The following RERE variants were observed in gnomAD, a reference collection of about 807,000 sequenced individuals.
RERE encodes the protein arginine-glutamic acid dipeptide repeats protein.
Under a neutral mutation model 146.1 loss-of-function variants are expected in RERE, and 40 were observed. The observed-to-expected ratio is 0.27, with a 90% CI of 0.21 to 0.36. RERE has a LOEUF of 0.36. Among genes scored for constraint, RERE ranks in the 10% least tolerant of loss-of-function variants. The probability of loss-of-function intolerance (pLI) is 1.00; values close to 1 mark genes in which losing one functional copy is unlikely to be tolerated. For synonymous variants in RERE, 1,003 were observed against 866.0 expected (o/e 1.16, Z -2.78); for missense variants, 1,933 against 2,138.7 (o/e 0.90, Z 1.90).
At position 8,613,191 on chromosome 1, in the gene RERE, T is replaced by C. The variant is rs529576604; in HGVS notation, c.522+1370A>G. On this transcript the variant is annotated intron_variant, in intron 4 of 22. Transcript: ENST00000400908. ...CAGTCAATCTTCTTAAGCAGTGGCC[T>C]GCAAGATGGCTTGCCTAGAGTAAAA... is the stretch of plus-strand genomic sequence containing the variant. 1.4e-4 allele frequency among the ~76,000 whole-genome samples: 22 copies of C among 152,354 alleles called. No individual in the cohort carries two copies. In the East Asian group the frequency reaches 4.2e-3, roughly 29 times the overall value.
Position 8,521,414 on chromosome 1 carries a change from G to C in RERE, c.831-12739C>G, listed in dbSNP as rs1391871086. On this transcript the variant is annotated intron_variant, in intron 7 of 22. Coordinates refer to ENST00000400908, the MANE Select transcript of RERE (RefSeq NM_001042681.2). Reference sequence around the variant, plus strand: ...CCTACTATTTTGGGAGGCCAAGACAGGAAGATAGTTTGAGGCCAGGAGTTC... The same window carrying C: ...CCTACTATTTTGGGAGGCCAAGACACGAAGATAGTTTGAGGCCAGGAGTTC... Among the ~76,000 whole-genome samples the C allele has an allele frequency of 4.6e-5, 7 of 152,100 alleles. No homozygotes were observed. The East Asian group carries it at 1.3e-3, about 29-fold the overall frequency.
intron 3 of RERE, among the ~76,000 whole-genome samples, chr1:8,623,145 A>G (rs1192298515): frequency 6.6e-6 from 1 of 152,206 alleles, no homozygotes; most frequent in Admixed American, 6.5e-5. Flanking sequence ...TGAGGAAAAT[A>G]ACAAACAAAC....
At chr1:8,503,268 A>C (rs1645205994) in intron 8 of RERE, among the ~76,000 whole-genome samples, 1 of 152,004 alleles carries the variant, frequency 6.6e-6, no homozygotes, top group Admixed American at 6.5e-5. Flanking sequence ...CACTCATATT[A>C]GTTGCTAGTG....
intron 7 of RERE, among the ~76,000 whole-genome samples, chr1:8,530,039 C>T (rs1420982081): frequency 6.6e-6 from 1 of 152,150 alleles, no homozygotes; most frequent in African/African-American, 2.4e-5. Flanking sequence ...CCTGCCACCA[C>T]ATTTTCTAGC....
At chr1:8,573,822 T>C (rs1646254774) in intron 4 of RERE, among the ~76,000 whole-genome samples, 1 of 152,186 alleles carries the variant, frequency 6.6e-6, no homozygotes, top group Non-Finnish European at 1.5e-5. Flanking sequence ...TTGCCTTTTA[T>C]TTCTGGAGAC....
chr1:8,627,227 TG>T (rs1646983654), intron 2 of RERE, among the ~76,000 whole-genome samples: 1 of 152,124 alleles, frequency 6.6e-6, no homozygotes, highest in Non-Finnish European at 1.5e-5. Flanking sequence ...GGCAGTAAGG[TG>T]GTCTGCACTG....
At chr1:8,499,446 G>A (rs998483911) in intron 8 of RERE, among the ~76,000 whole-genome samples, 1 of 152,168 alleles carries the variant, frequency 6.6e-6, no homozygotes, top group Non-Finnish European at 1.5e-5. Context: ...AGTGGACCAC[G>A]GGGAAATGGA....
At chr1:8,706,693 C>T (rs1464713479) in intron 1 of RERE, among the ~76,000 whole-genome samples, 4 of 152,170 alleles carry the variant, frequency 2.6e-5, no homozygotes, top group African/African-American at 4.8e-5. Context: ...TTACACTGAA[C>T]TTACTTTATT....
intron 1 of RERE, among the ~76,000 whole-genome samples, chr1:8,683,163 A>G (rs1048466216): frequency 1.3e-5 from 2 of 152,184 alleles, no homozygotes; most frequent in African/African-American, 4.8e-5. Context: ...TGAAGAATTA[A>G]TAACATCAAA....
At chr1:8,489,875 C>T (rs961977615) in intron 10 of RERE, among the ~76,000 whole-genome samples, 2 of 151,188 alleles carry the variant, frequency 1.3e-5, no homozygotes, top group South Asian at 2.1e-4. Context: ...ACAGTGAAAC[C>T]CCATCTCTAC....
At chr1:8,742,588 A>G (rs1437245025) in intron 1 of RERE, among the ~76,000 whole-genome samples, 1 of 152,212 alleles carries the variant, frequency 6.6e-6, no homozygotes, top group Non-Finnish European at 1.5e-5. Context: ...TGGGAGGCCG[A>G]GGCAGGCAGA....
intron 8 of RERE, among the ~76,000 whole-genome samples, chr1:8,507,420 T>C (rs1645266265): frequency 6.6e-6 from 1 of 152,244 alleles, no homozygotes; most frequent in African/African-American, 2.4e-5. Flanking sequence ...AAGTTGTTTA[T>C]TTTTTTGCAG....
chr1:8,407,101 T>TA (rs1313734764), intron 12 of RERE, among the ~76,000 whole-genome samples: 7 of 152,348 alleles, frequency 4.6e-5, no homozygotes, highest in South Asian at 2.1e-4. Flanking sequence ...GCATTCGCAT[T>TA]AGGAAACCCT....
intron 6 of RERE, among the ~76,000 whole-genome samples, chr1:8,542,790 A>T (rs1033904568): frequency 7.2e-5 from 11 of 152,126 alleles, no homozygotes; most frequent in Non-Finnish European, 1.0e-4. Flanking sequence ...ATAGGTGTGA[A>T]CCACTGCACC....
At chr1:8,680,010 T>C (rs1021945003) in intron 1 of RERE, among the ~76,000 whole-genome samples, 2 of 152,188 alleles carry the variant, frequency 1.3e-5, no homozygotes, top group Non-Finnish European at 2.9e-5. Context: ...TGCAACACTA[T>C]GGTACTGCCT....
chr1:8,523,150 C>T (rs1198250926), intron 7 of RERE, among the ~76,000 whole-genome samples: 3 of 152,066 alleles, frequency 2.0e-5, no homozygotes, highest in Admixed American at 2.0e-4. Flanking sequence ...GAGATCACAC[C>T]ACTGCACTCC....
chr1:8,650,846 G>A (rs528912136), intron 2 of RERE, among the ~76,000 whole-genome samples: 139 of 151,474 alleles, frequency 9.2e-4, no homozygotes, highest in African/African-American at 3.2e-3. Flanking sequence ...GCAGTGAGCC[G>A]AGATCGCACC....
At chr1:8,659,611 C>T (rs1393245843) in intron 1 of RERE, among the ~76,000 whole-genome samples, 1 of 152,214 alleles carries the variant, frequency 6.6e-6, no homozygotes, top group Non-Finnish European at 1.5e-5. Flanking sequence ...AAATGTTCCT[C>T]TTTGACCCTG....
At chr1:8,646,320 C>A (rs1334101585) in intron 2 of RERE, among the ~76,000 whole-genome samples, 6 of 152,022 alleles carry the variant, frequency 3.9e-5, no homozygotes, top group Non-Finnish European at 8.8e-5. Context: ...TGGCTTGAGT[C>A]CAGGAGTTCA....
Sources: gnomAD v4.1 joint callset for allele counts (sites outside exome capture counted in the v4.1 genomes callset) on GRCh38, gnomAD v4.1.1 for gene constraint, MANE v1.5 for transcripts, NCBI Gene and HGNC (gene_info 2026-07-23, HGNC 2026-07-21) for gene names.